Variants in IGSF11 observed in about 807,000 individuals in gnomAD.
The protein encoded by IGSF11 is CXADR like 1.
A neutral mutation model predicts 41.0 loss-of-function variants in IGSF11; 22 were observed. The observed-to-expected ratio is 0.54, with a 90% confidence interval of 0.38 to 0.77. The LOEUF is 0.77. Ranked by LOEUF, IGSF11 falls within the 30% of genes least tolerant of loss-of-function variation. IGSF11 has a pLI of 0.00. For synonymous variants in IGSF11, 219 were observed against 201.3 expected (o/e 1.09, Z -0.74); for missense variants, 444 against 530.8 (o/e 0.84, Z 1.61).
At chr3:119,109,378 G>T (rs1427591026), upstream of IGSF11, among the ~76,000 whole-genome samples, 1 of 152,290 alleles carries the variant, frequency 6.6e-6, no homozygotes, top group South Asian at 2.1e-4. Context: ...TATTTGCGTA[G>T]AGGTGTTTGT....
intron 1 of IGSF11, among the ~76,000 whole-genome samples, chr3:119,085,643 T>C (rs1227121140): frequency 6.6e-6 from 1 of 152,086 alleles, no homozygotes; most frequent in African/African-American, 2.4e-5. Context: ...AGCCAAACAA[T>C]CCAATAAAAA....
At chr3:118,949,800 C>G (rs1022633284) in intron 1 of IGSF11, among the ~76,000 whole-genome samples, 1 of 152,200 alleles carries the variant, frequency 6.6e-6, no homozygotes, top group East Asian at 1.9e-4. Context: ...TTTCTTTCTA[C>G]TGTAACACAC....
chr3:119,108,792 G>C (rs1295428276), upstream of IGSF11, among the ~76,000 whole-genome samples: 2 of 145,622 alleles, frequency 1.4e-5, no homozygotes, highest in Admixed American at 7.0e-5. Context: ...AGAGTTTTTA[G>C]CATGAAGGGT....
chr3:118,900,854 T>C lies in IGSF11; in HGVS notation c.*1666A>G, dbSNP rs1938765280. 6.6e-6 allele frequency: 1 copy of C among 152,638 alleles called. No individual in the cohort carries two copies. Among genetic ancestry groups the C allele is most frequent in the South Asian group, 2.1e-4 (1 of 4,834 alleles). The allele number at this position is 152,638 out of a possible 1,614,324, so 9.5% of individuals were successfully genotyped here. A position where few individuals can be genotyped will look rare whatever the true frequency, so the allele number is the denominator to read the frequency against. On this transcript the variant is annotated 3_prime_UTR_variant, in exon 7 of 7. Coordinates refer to ENST00000393775, the MANE Select transcript of IGSF11 (RefSeq NM_001015887.3). ...TAATGCTAAAGTAAATTCAGCTTTTTATCAATACTGAAATGGTTGGCAATG... is the reference window on the plus strand; with the variant it reads ...TAATGCTAAAGTAAATTCAGCTTTTCATCAATACTGAAATGGTTGGCAATG...
intron 1 of IGSF11, among the ~76,000 whole-genome samples, chr3:119,028,920 G>T (rs940075313): frequency 6.6e-6 from 1 of 151,964 alleles, no homozygotes; most frequent in African/African-American, 2.4e-5. Flanking sequence ...TTTTTATTTT[G>T]TATTCTGGTT....
At chr3:118,946,570 T>TGACATAGTA (rs1435351822) in intron 1 of IGSF11, among the ~76,000 whole-genome samples, 1 of 152,190 alleles carries the variant, frequency 6.6e-6, no homozygotes, top group Non-Finnish European at 1.5e-5. Flanking sequence ...TGAATAAGAC[T>TGACATAGTA]GACATAGTAG....
intron 1 of IGSF11, among the ~76,000 whole-genome samples, chr3:118,940,433 G>A (rs953917455): frequency 2.6e-5 from 4 of 152,058 alleles, no homozygotes; most frequent in African/African-American, 7.2e-5. Context: ...ACTTATAATA[G>A]CATCCAAAAC....
At chr3:119,014,417 C>G (rs1403211319) in intron 1 of IGSF11, among the ~76,000 whole-genome samples, 1 of 152,142 alleles carries the variant, frequency 6.6e-6, no homozygotes, top group Non-Finnish European at 1.5e-5. Context: ...ACTATTTATA[C>G]ATAGTGCATA....
chr3:119,062,975 G>A (rs1209235712), intron 1 of IGSF11, among the ~76,000 whole-genome samples: 1 of 152,130 alleles, frequency 6.6e-6, no homozygotes, highest in Non-Finnish European at 1.5e-5. Flanking sequence ...ACATAGGACA[G>A]GAATTGTCAA....
chr3:119,105,581 A>G (rs2077009463), upstream of IGSF11, among the ~76,000 whole-genome samples: 1 of 152,204 alleles, frequency 6.6e-6, no homozygotes, highest in South Asian at 2.1e-4. Context: ...GTCACAACTT[A>G]TCAAAACAGT....
At position 118,977,572 on chromosome 3, in the gene IGSF11, G is replaced by C. The variant is rs532036067; in HGVS notation, c.53-47297C>G. ...AACACTGAAATTCAGCAAAGTGACAGGAAACATCTAAAGCAAGAAAGTAGA... is the reference window on the plus strand; with the variant it reads ...AACACTGAAATTCAGCAAAGTGACACGAAACATCTAAAGCAAGAAAGTAGA... On this transcript the variant is annotated intron_variant, in intron 1 of 6. Transcript: ENST00000393775. Among the ~76,000 whole-genome samples the C allele has an allele frequency of 3.9e-5, 6 of 152,268 alleles. No homozygotes were observed. In the South Asian group the frequency reaches 1.2e-3, roughly 32 times the overall value.
chr3:118,990,656 G>A (rs987350040), intron 1 of IGSF11, among the ~76,000 whole-genome samples: 3 of 152,162 alleles, frequency 2.0e-5, no homozygotes, highest in African/African-American at 7.2e-5. Context: ...TTTATGTACA[G>A]AGCAGTATTG....
chr3:119,055,641 T>C (rs1941802877), intron 1 of IGSF11, among the ~76,000 whole-genome samples: 1 of 152,082 alleles, frequency 6.6e-6, no homozygotes, highest in South Asian at 2.1e-4. Context: ...TCTACAGAAC[T>C]CTCCACCCTA....
intron 1 of IGSF11, among the ~76,000 whole-genome samples, chr3:118,956,188 T>G (rs778914179): frequency 6.6e-6 from 1 of 152,216 alleles, no homozygotes; most frequent in Non-Finnish European, 1.5e-5. Flanking sequence ...GATTAGGTTT[T>G]GGCTTACAGA....
At chr3:119,050,637 C>G (rs1466391762) in intron 1 of IGSF11, among the ~76,000 whole-genome samples, 1 of 152,064 alleles carries the variant, frequency 6.6e-6, no homozygotes, top group African/African-American at 2.4e-5. Context: ...CCAGCCATCC[C>G]ATTACTGGGT....
intron 1 of IGSF11, among the ~76,000 whole-genome samples, chr3:119,048,045 G>A (rs1270269833): frequency 6.6e-6 from 1 of 151,322 alleles, no homozygotes. Flanking sequence ...AGAGAAAGCA[G>A]GAAAGATCCA....
intron 4 of IGSF11, among the ~76,000 whole-genome samples, chr3:118,912,624 A>G (rs1314928319): frequency 6.6e-6 from 1 of 152,212 alleles, no homozygotes; most frequent in Non-Finnish European, 1.5e-5. Flanking sequence ...AGCTTAGAGA[A>G]ACTATAGAAC....
chr3:118,923,344 G>C (rs908123541), intron 4 of IGSF11, among the ~76,000 whole-genome samples: 1 of 152,146 alleles, frequency 6.6e-6, no homozygotes, highest in Non-Finnish European at 1.5e-5. Context: ...CTTTTATAAG[G>C]TTGAAGACAT....
At chr3:119,114,087 C>A (rs569265185) in intron 1 of IGSF11, among the ~76,000 whole-genome samples, 1 of 152,214 alleles carries the variant, frequency 6.6e-6, no homozygotes, top group Non-Finnish European at 1.5e-5. Context: ...CTGGGCCCAG[C>A]CCATGGCCCA....
Sources: allele counts gnomAD v4.1 joint callset (sites outside exome capture counted in the v4.1 genomes callset), GRCh38; gene constraint gnomAD v4.1.1; transcripts MANE v1.5; gene names NCBI Gene and HGNC (gene_info 2026-07-23, HGNC 2026-07-21).